The following ZDHHC18 variants were observed in gnomAD, a reference collection of about 807,000 sequenced individuals.
ZDHHC18 encodes palmitoyltransferase ZDHHC18.
Under a neutral mutation model 37.5 loss-of-function variants are expected in ZDHHC18, and 23 were observed. That is an observed-to-expected ratio of 0.61 (90% CI 0.44 to 0.87). ZDHHC18 has a LOEUF of 0.87. Among genes scored for constraint, ZDHHC18 ranks in the 40% least tolerant of loss-of-function variants. The probability of loss-of-function intolerance (pLI) is 0.00; values close to 1 mark genes in which losing one functional copy is unlikely to be tolerated. For missense variants in ZDHHC18, 406 were observed against 525.6 expected, an observed-to-expected ratio of 0.77 and a Z score of 2.22; for synonymous variants, 185 against 218.7, an observed-to-expected ratio of 0.85 and a Z score of 1.36.
At chr1:26,851,045 T>C in intron 5 of ZDHHC18, 84 bp from the exon 6 acceptor site, 1 of 1,307,404 alleles carries the variant, frequency 7.6e-7, no homozygotes, top group East Asian at 2.3e-5. Context: ...GGGAAACAGC[T>C]CCATGGAAGG....
Position 26,848,039 on chromosome 1 carries a change from G to A in ZDHHC18, c.497-569G>A, listed in dbSNP as rs540575833. 2.6e-4 allele frequency among the ~76,000 whole-genome samples: 40 copies of A among 152,280 alleles called. No individual in the cohort carries two copies. The East Asian group carries it at 2.9e-3, about 11-fold the overall frequency. On this transcript the variant is annotated intron_variant, in intron 2 of 7. Coordinates refer to ENST00000374142, the MANE Select transcript of ZDHHC18 (RefSeq NM_032283.3). ...TGCAAATAAACCTCACTGGCTGGGC[G>A]CGGTGCATCACTCCTATAATCCTGG...
At chr1:26,832,387 G>GC in intron 1 of ZDHHC18, 60 bp from the exon 2 acceptor site, 1 of 1,598,666 alleles carries the variant, frequency 6.3e-7, no homozygotes, top group South Asian at 1.1e-5. Flanking sequence ...ACGTGCTGTA[G>GC]CCCTGTGCCG....
intron 2 of ZDHHC18, among the ~76,000 whole-genome samples, chr1:26,835,480 A>T (rs996538945): frequency 3.9e-5 from 6 of 152,190 alleles, no homozygotes; most frequent in African/African-American, 1.4e-4. Context: ...AGGCGGGCGG[A>T]TCACAAGGTC....
At chr1:26,842,133 C>CAAA (rs958757844) in intron 2 of ZDHHC18, among the ~76,000 whole-genome samples, 4 of 100,058 alleles carry the variant, frequency 4.0e-5, no homozygotes, top group Non-Finnish European at 6.3e-5. Flanking sequence ...GACTCCATCT[C>CAAA]AAAAAAAAAA....
intron 2 of ZDHHC18, among the ~76,000 whole-genome samples, chr1:26,835,735 A>G (rs2081608638): frequency 6.6e-6 from 1 of 152,204 alleles, no homozygotes; most frequent in African/African-American, 2.4e-5. Flanking sequence ...ATTTCCCCGA[A>G]AATGATCAGG....
intron 2 of ZDHHC18, among the ~76,000 whole-genome samples, chr1:26,843,917 C>G (rs1303100851): frequency 1.3e-5 from 2 of 152,154 alleles, no homozygotes; most frequent in African/African-American, 2.4e-5. Flanking sequence ...CCCCTCATGC[C>G]CCCTTCCAAT....
intron 2 of ZDHHC18, among the ~76,000 whole-genome samples, chr1:26,839,100 G>C (rs879476355): frequency 1.3e-5 from 2 of 152,266 alleles, no homozygotes; most frequent in Non-Finnish European, 2.9e-5. Context: ...CAGAAGGCCT[G>C]CCTGCTCCTC....
chr1:26,834,708 A>G (rs1414633609), intron 2 of ZDHHC18, among the ~76,000 whole-genome samples: 1 of 152,228 alleles, frequency 6.6e-6, no homozygotes, highest in African/African-American at 2.4e-5. Flanking sequence ...GAGTAAATGA[A>G]TGACTGAAGA....
chr1:26,844,004 G>A (rs193218742), intron 2 of ZDHHC18, among the ~76,000 whole-genome samples: 1 of 152,042 alleles, frequency 6.6e-6, no homozygotes, highest in East Asian at 1.9e-4. Context: ...TGAACATTTT[G>A]TACTGTATGT....
rs1378059675 is a variant in ZDHHC18 at position 26,846,298 on chromosome 1, A to G, written c.497-2310A>G. ...TGTGTGTGTGTGTGTGTGTATATAT[A>G]TATATATATATATTTTTTTTTTTTT... On this transcript the variant is annotated intron_variant, in intron 2 of 7. Coordinates refer to ENST00000374142, the MANE Select transcript of ZDHHC18 (RefSeq NM_032283.3). 7.0e-3 allele frequency among the ~76,000 whole-genome samples: 269 copies of G among 38,260 alleles called. 2 individuals are homozygous for G. The highest frequency in any genetic ancestry group is 0.018 in the African/African-American group (165 of 8,992). 25.1% of individuals were successfully genotyped at this position (38,260 alleles called of 152,430 possible).
At chr1:26,852,405 C>T (rs752013408) in intron 6 of ZDHHC18, among the ~76,000 whole-genome samples, 1 of 152,238 alleles carries the variant, frequency 6.6e-6, no homozygotes, top group Non-Finnish European at 1.5e-5. Context: ...GTCCAGGTAA[C>T]GTAGCCAGTG....
intron 7 of ZDHHC18, 41 bp downstream of exon 7, chr1:26,852,906 C>T (rs1263370773): frequency 6.3e-7 from 1 of 1,583,482 alleles, no homozygotes; most frequent in Non-Finnish European, 8.7e-7. Context: ...CAGGGCCATG[C>T]CTGGCCAGTG....
At chr1:26,837,105 T>A (rs1023773701) in intron 2 of ZDHHC18, among the ~76,000 whole-genome samples, 4 of 147,358 alleles carry the variant, frequency 2.7e-5, no homozygotes, top group Admixed American at 6.8e-5. Flanking sequence ...CAAAAAAAAT[T>A]AGCTGGGTGT....
At chr1:26,847,363 C>T (rs530616627) in intron 2 of ZDHHC18, among the ~76,000 whole-genome samples, 6 of 152,088 alleles carry the variant, frequency 3.9e-5, no homozygotes, top group Middle Eastern at 3.5e-3. Context: ...AGTCACACGC[C>T]GTCATACCCG....
At chr1:26,848,869 G>T in intron 3 of ZDHHC18, 112 bp downstream of exon 3, 1 of 1,434,834 alleles carries the variant, frequency 7.0e-7, no homozygotes, top group Admixed American at 2.0e-5. Context: ...AATACCCAGG[G>T]CTGGGCAGGG....
At chr1:26,851,514 A>G (rs2081704267) in intron 6 of ZDHHC18, among the ~76,000 whole-genome samples, 1 of 152,204 alleles carries the variant, frequency 6.6e-6, no homozygotes, top group East Asian at 1.9e-4. Context: ...CACAGCACGC[A>G]TGATGTTTGG....
intron 3 of ZDHHC18, among the ~76,000 whole-genome samples, 171 bp downstream of exon 3, chr1:26,848,928 G>A (rs561097242): frequency 6.6e-6 from 1 of 152,028 alleles, no homozygotes; most frequent in Non-Finnish European, 1.5e-5. Flanking sequence ...CCAGGGGAGG[G>A]GCCCTCAGCA....
intron 2 of ZDHHC18, among the ~76,000 whole-genome samples, chr1:26,838,096 A>G: frequency 6.6e-6 from 1 of 150,814 alleles, no homozygotes; most frequent in Non-Finnish European, 1.5e-5. Flanking sequence ...TCTCGGGTTC[A>G]AGCGATTCTC....
In ZDHHC18 at chr1:26,850,624, G is replaced by A. The variant is rs749988986; in HGVS notation, c.833+18G>A. 2.5e-6 allele frequency: 4 copies of A among 1,614,016 alleles called. No homozygotes were observed. Among genetic ancestry groups the A allele is most frequent in the Non-Finnish European group, 3.4e-6 (4 of 1,179,980 alleles). On this transcript the variant is annotated intron_variant, in intron 5 of 7. Transcript: ENST00000374142. The surrounding 1 kb of genome is among the most constrained non-coding windows in gnomAD (Gnocchi z 6.1). Reference sequence around the variant, plus strand: ...CCAGCAAGATATCCTTTGTCAGCTAGAGGACACTCCAGTGGGAACTGAGGT... The same window carrying A: ...CCAGCAAGATATCCTTTGTCAGCTAAAGGACACTCCAGTGGGAACTGAGGT...
Sources: gnomAD v4.1 joint callset for allele counts (sites outside exome capture counted in the v4.1 genomes callset) on GRCh38, gnomAD v4.1.1 for gene constraint, Gnocchi (gnomAD v3.1) non-coding constraint, MANE v1.5 for transcripts, NCBI Gene and HGNC (gene_info 2026-07-23, HGNC 2026-07-21) for gene names.